The following DPRX variants were observed in gnomAD, a reference collection of about 807,000 sequenced individuals.
The protein encoded by DPRX is divergent paired-related homeobox.
DPRX carries 11 observed loss-of-function variants against 8.4 expected under a neutral mutation model. That is an observed-to-expected ratio of 1.31 (90% CI 0.82 to 2.17). The LOEUF (loss-of-function observed/expected upper bound fraction) is 2.17, where lower values mean the gene tolerates loss of function less well. Among genes scored for constraint, DPRX ranks in the 30% most tolerant of loss-of-function variants. The probability of loss-of-function intolerance (pLI) is 0.00; values close to 1 mark genes in which losing one functional copy is unlikely to be tolerated. For synonymous variants in DPRX, 72 were observed against 87.0 expected, an observed-to-expected ratio of 0.83 and a Z score of 0.96; for missense variants, 211 against 236.7, an observed-to-expected ratio of 0.89 and a Z score of 0.71.
chr19:53,602,086 C>T, the DPRX span: 8 of 456,636 alleles, frequency 1.8e-5, no homozygotes, highest in East Asian at 6.9e-5. Context: ...ACAGCCGCTG[C>T]GATGTAGATC....
chr19:53,635,348 T>C (rs1389208246), intron 2 of DPRX, among the ~76,000 whole-genome samples: 1 of 151,856 alleles, frequency 6.6e-6, no homozygotes, highest in African/African-American at 2.4e-5. Context: ...AATAGTGTTG[T>C]TTTGTTTTGT....
intron 1 of DPRX, among the ~76,000 whole-genome samples, chr19:53,632,707 G>C (rs2091097811): frequency 6.6e-6 from 1 of 151,902 alleles, no homozygotes. Flanking sequence ...GCCTCCCAAA[G>C]TGCTGGGATT....
the DPRX span, among the ~76,000 whole-genome samples, chr19:53,618,037 A>G: frequency 8.6e-4 from 130 of 151,258 alleles, no homozygotes; most frequent in Middle Eastern, 6.8e-3. Context: ...AGCTACTTGG[A>G]AGGCTGAGGC....
At chr19:53,636,526 A>G (rs1283710711) in intron 2 of DPRX, 70 bp from the exon 3 acceptor site, 34 of 1,267,382 alleles carry the variant, frequency 2.7e-5, no homozygotes. Context: ...TTAAAAAGTA[A>G]AAATTTTTTA....
chr19:53,627,691 G>A (rs2091076733), upstream of DPRX, among the ~76,000 whole-genome samples: 2 of 148,948 alleles, frequency 1.3e-5, no homozygotes, highest in Non-Finnish European at 3.0e-5. Context: ...CGCCCACCTC[G>A]GCCTCCCAAA....
the DPRX span, among the ~76,000 whole-genome samples, chr19:53,603,037 G>GTATA: frequency 1.3e-3 from 199 of 149,646 alleles, no homozygotes; most frequent in African/African-American, 3.7e-3. Flanking sequence ...GTGTGTGTGT[G>GTATA]TATATATATA....
the DPRX span, among the ~76,000 whole-genome samples, chr19:53,619,879 G>A: frequency 1.2e-4 from 17 of 145,322 alleles, no homozygotes; most frequent in Admixed American, 2.8e-4. Flanking sequence ...AAAAGGATAA[G>A]TTGCTGAAGT....
chr19:53,601,545 G>C, the DPRX span, among the ~76,000 whole-genome samples: 2 of 148,788 alleles, frequency 1.3e-5, no homozygotes, highest in African/African-American at 5.0e-5. Context: ...GCAGTGGCGC[G>C]ATCTCAGCTG....
chr19:53,601,684 G>A, the DPRX span, among the ~76,000 whole-genome samples: 4 of 151,964 alleles, frequency 2.6e-5, no homozygotes, highest in Non-Finnish European at 4.4e-5. Context: ...ATTTCACCAT[G>A]TTGGTCAGGC....
the DPRX span, chr19:53,603,210 C>G: frequency 2.5e-6 from 1 of 408,154 alleles, no homozygotes; most frequent in Non-Finnish European, 5.0e-6. Flanking sequence ...ATCCACTGTG[C>G]CCGGCCAAAA....
the DPRX span, among the ~76,000 whole-genome samples, chr19:53,603,164 G>A: frequency 1.3e-5 from 2 of 150,840 alleles, no homozygotes; most frequent in Non-Finnish European, 1.5e-5. Flanking sequence ...CAGTTGTCCC[G>A]CCTCAGCCTC....
the DPRX span, among the ~76,000 whole-genome samples, chr19:53,610,598 G>A: frequency 6.8e-6 from 1 of 146,956 alleles, no homozygotes; most frequent in Non-Finnish European, 1.5e-5. Flanking sequence ...CTGGAGCTCT[G>A]CCGGGGGCAG....
At chr19:53,634,662 G>A (rs1307280540) in exon 2 of DPRX, 2 of 1,613,854 alleles carry the variant, frequency 1.2e-6, no homozygotes, top group Admixed American at 1.7e-5. Flanking sequence ...CTCGAAAATA[G>A]ACATACACCC....
the DPRX span, among the ~76,000 whole-genome samples, chr19:53,619,731 T>G: frequency 1.3e-5 from 2 of 149,624 alleles, no homozygotes; most frequent in African/African-American, 2.5e-5. Context: ...GGCAGACGCC[T>G]GTGGTCCTAG....
chr19:53,635,762 TTTTTTC>T (rs1396138701), intron 2 of DPRX, among the ~76,000 whole-genome samples: 1 of 152,188 alleles, frequency 6.6e-6, no homozygotes, highest in Non-Finnish European at 1.5e-5. Flanking sequence ...ATTGTGTTTG[TTTTTTC>T]TCAACCATTT....
intron 1 of DPRX, 152 bp from the exon 2 acceptor site, chr19:53,634,379 T>G: frequency 7.6e-5 from 67 of 884,896 alleles, no homozygotes; most frequent in East Asian, 1.6e-4. Context: ...TGCAGTGAGC[T>G]GAGATTGTGC....
upstream of DPRX, among the ~76,000 whole-genome samples, chr19:53,627,968 G>T (rs1227107215): frequency 6.6e-6 from 1 of 151,820 alleles, no homozygotes; most frequent in African/African-American, 2.4e-5. Flanking sequence ...GGAGGCGGAG[G>T]TTGCAGTGAG....
chr19:53,610,243 C>T, the DPRX span, among the ~76,000 whole-genome samples: 21 of 150,600 alleles, frequency 1.4e-4, 1 homozygote. Context: ...TTGCTTGAAA[C>T]TGGGTGGCAG....
At chr19:53,601,711 G>A in the DPRX span, among the ~76,000 whole-genome samples, 6 of 151,792 alleles carry the variant, frequency 4.0e-5, no homozygotes, top group Admixed American at 6.6e-5. Context: ...CGAACTCCTC[G>A]CCTCAAGTGA....
Sources: gnomAD v4.1 joint callset for allele counts (sites outside exome capture counted in the v4.1 genomes callset) on GRCh38, gnomAD v4.1.1 for gene constraint, MANE v1.5 for transcripts, NCBI Gene and HGNC (gene_info 2026-07-23, HGNC 2026-07-21) for gene names.